The following SCAF4 variants were observed in gnomAD, a reference collection of about 807,000 sequenced individuals.
SCAF4 encodes the protein SR-related and CTD-associated factor 4.
Under a neutral mutation model 129.8 loss-of-function variants are expected in SCAF4, and 25 were observed. The ratio of observed to expected loss-of-function variants is 0.19; its 90% CI spans 0.14 to 0.27. The LOEUF (loss-of-function observed/expected upper bound fraction) is 0.27, where lower values mean the gene tolerates loss of function less well. Ranked by LOEUF, SCAF4 falls within the 10% of genes least tolerant of loss-of-function variation. The probability of loss-of-function intolerance (pLI) is 1.00; values close to 1 mark genes in which losing one functional copy is unlikely to be tolerated. For missense variants in SCAF4, 1,246 were observed against 1,457.1 expected (o/e 0.86, Z 2.36); for synonymous variants, 551 against 497.7 (o/e 1.11, Z -1.43).
intron 19 of SCAF4, among the ~76,000 whole-genome samples, chr21:31,680,575 G>A (rs567473362): frequency 6.6e-6 from 1 of 152,194 alleles, no homozygotes; most frequent in South Asian, 2.1e-4. Context: ...TATCACTCTA[G>A]CTTATAATTT....
intron 7 of SCAF4, among the ~76,000 whole-genome samples, chr21:31,700,124 CT>C (rs1399876823): frequency 6.6e-6 from 1 of 151,810 alleles, no homozygotes; most frequent in Non-Finnish European, 1.5e-5. Flanking sequence ...CCATACCCAG[CT>C]GGTTCCCAAA....
At chr21:31,721,994 A>G (rs1038573324) in intron 1 of SCAF4, among the ~76,000 whole-genome samples, 1 of 152,176 alleles carries the variant, frequency 6.6e-6, no homozygotes, top group Non-Finnish European at 1.5e-5. Flanking sequence ...TGCTGGGATT[A>G]CAGGCGTGAG....
chr21:31,716,583 G>A (rs1601259866), intron 1 of SCAF4, among the ~76,000 whole-genome samples: 1 of 151,974 alleles, frequency 6.6e-6, no homozygotes, highest in South Asian at 2.1e-4. Context: ...CAAAGCACAC[G>A]CTAAATTTCT....
chr21:31,695,163 T>C (rs1481276620), intron 9 of SCAF4, among the ~76,000 whole-genome samples, 183 bp from the exon 10 acceptor site: 1 of 152,222 alleles, frequency 6.6e-6, no homozygotes, highest in Non-Finnish European at 1.5e-5. Context: ...ATACCAAGTA[T>C]ATAGGTTAAA....
intron 7 of SCAF4, 128 bp downstream of exon 7, chr21:31,700,867 G>T (rs1035083380): frequency 9.6e-7 from 1 of 1,046,536 alleles, no homozygotes; most frequent in Non-Finnish European, 1.5e-6. Flanking sequence ...TTCTTGTTGA[G>T]GGGGAAAATC....
intron 1 of SCAF4, among the ~76,000 whole-genome samples, chr21:31,724,845 A>G (rs2051161856): frequency 6.6e-6 from 1 of 152,236 alleles, no homozygotes; most frequent in East Asian, 1.9e-4. Flanking sequence ...CTCTGAATCA[A>G]TTCCTCATGT....
At chr21:31,717,718 A>AT (rs1372903241) in intron 1 of SCAF4, among the ~76,000 whole-genome samples, 4 of 151,560 alleles carry the variant, frequency 2.6e-5, no homozygotes, top group Non-Finnish European at 5.9e-5. Flanking sequence ...AAAAAATTAA[A>AT]TTAAAAACAC....
At chr21:31,723,051 A>G (rs140333706) in intron 1 of SCAF4, among the ~76,000 whole-genome samples, 1 of 152,352 alleles carries the variant, frequency 6.6e-6, no homozygotes, top group East Asian at 1.9e-4. Flanking sequence ...GCTGCCAAAC[A>G]CAGTATGATG....
At chr21:31,672,538 CA>C (rs1243491873) in intron 19 of SCAF4, among the ~76,000 whole-genome samples, 184 bp from the exon 20 acceptor site, 1 of 152,154 alleles carries the variant, frequency 6.6e-6, no homozygotes, top group Non-Finnish European at 1.5e-5. Flanking sequence ...ATTGCAAAGA[CA>C]TTTTTAAAGT....
intron 1 of SCAF4, chr21:31,706,737 AG>A: frequency 4.2e-6 from 1 of 236,056 alleles, no homozygotes; most frequent in Non-Finnish European, 8.5e-6. Flanking sequence ...AGGGAAAGGG[AG>A]GGGGAGCAAA....
At chr21:31,683,204 C>T (rs894733328) in intron 19 of SCAF4, among the ~76,000 whole-genome samples, 1 of 152,076 alleles carries the variant, frequency 6.6e-6, no homozygotes, top group Non-Finnish European at 1.5e-5. Flanking sequence ...CAAATGTTCC[C>T]CTCTCATGGG....
At chr21:31,724,890 C>G (rs966900276) in intron 1 of SCAF4, among the ~76,000 whole-genome samples, 7 of 152,140 alleles carry the variant, frequency 4.6e-5, no homozygotes, top group African/African-American at 1.7e-4. Flanking sequence ...GAATACTAGA[C>G]AAAATGATAG....
chr21:31,692,496 G>T, intron 12 of SCAF4, 47 bp from the exon 13 acceptor site: 2 of 1,267,096 alleles, frequency 1.6e-6, no homozygotes, highest in Non-Finnish European at 2.3e-6. Flanking sequence ...TTGATAATGA[G>T]CAGCACTGTA....
At chr21:31,684,011 T>C (rs1341863744) in intron 19 of SCAF4, 1 of 153,464 alleles carries the variant, frequency 6.5e-6, no homozygotes, top group Non-Finnish European at 1.5e-5. Flanking sequence ...AACAAATTGT[T>C]TTTTTATTAT....
chr21:31,707,160 G>A (rs1012435786), intron 1 of SCAF4, among the ~76,000 whole-genome samples: 4 of 152,006 alleles, frequency 2.6e-5, no homozygotes, highest in Admixed American at 6.6e-5. Flanking sequence ...AGATGGGGGG[G>A]TTACTTTTTA....
At chr21:31,727,551 T>C (rs1405064960) in intron 1 of SCAF4, among the ~76,000 whole-genome samples, 1 of 152,108 alleles carries the variant, frequency 6.6e-6, no homozygotes, top group Non-Finnish European at 1.5e-5. Context: ...TCCCAGCACT[T>C]TGGGAGGCCA....
intron 1 of SCAF4, among the ~76,000 whole-genome samples, chr21:31,726,346 T>A (rs1024577982): frequency 2.6e-5 from 4 of 152,116 alleles, no homozygotes; most frequent in African/African-American, 9.7e-5. Flanking sequence ...CGCCTGGCGG[T>A]GGCCCTTAAC....
chr21:31,693,659 C>A (rs1326112409), intron 11 of SCAF4, among the ~76,000 whole-genome samples, 175 bp from the exon 12 acceptor site: 1 of 152,086 alleles, frequency 6.6e-6, no homozygotes, highest in South Asian at 2.1e-4. Context: ...AGAAATCATG[C>A]ACATTATTTA....
Position 31,685,098 on chromosome 21 carries a change from T to A in SCAF4, c.2439A>T (p.Ala813=). ...KMYGSAVPPA[A]PTNLPTPPVT... ...CAGGAGGGGTGGGCAGATTCGTGGG[T>A]GCAGCAGGTGGCACGGCAGAGCCAT... Residue 813 remains alanine, a synonymous_variant, in exon 19 of 20, where the codon GCA becomes GCT. Transcript: ENST00000286835. 1 of 1,612,958 alleles carries A rather than the reference T, an allele frequency of 6.2e-7. No homozygotes were observed. The highest frequency in any genetic ancestry group is 8.5e-7 in the Non-Finnish European group (1 of 1,179,850).
Sources: allele counts gnomAD v4.1 joint callset (sites outside exome capture counted in the v4.1 genomes callset), GRCh38; gene constraint gnomAD v4.1.1; transcripts MANE v1.5; gene names NCBI Gene and HGNC (gene_info 2026-07-23, HGNC 2026-07-21).